CAST: variants seen among roughly 807,000 people sequenced by gnomAD.
CAST encodes MIR583 host.
A neutral mutation model predicts 119.6 loss-of-function variants in CAST; 76 were observed. That is an observed-to-expected ratio of 0.64 (90% CI 0.53 to 0.77). CAST has a LOEUF of 0.77. Ranked by LOEUF, CAST falls within the 30% of genes least tolerant of loss-of-function variation. The pLI, the probability that CAST is intolerant of heterozygous loss-of-function variation, is 0.00. For synonymous variants in CAST, 319 were observed against 331.6 expected (o/e 0.96, Z 0.41); for missense variants, 953 against 946.5 (o/e 1.01, Z -0.09).
the CAST span, among the ~76,000 whole-genome samples, chr5:96,212,054 G>A: frequency 1.9e-3 from 286 of 152,028 alleles, 1 homozygote; most frequent in African/African-American, 6.5e-3. Context: ...TTTTGTCAAT[G>A]TAATTGATCT....
At chr5:96,396,081 C>T in the CAST span, among the ~76,000 whole-genome samples, 1 of 151,984 alleles carries the variant, frequency 6.6e-6, no homozygotes, top group Non-Finnish European at 1.5e-5. Flanking sequence ...AAGAACAGGC[C>T]CAGATGCTAA....
At position 96,762,270 on chromosome 5, in the gene CAST, A is replaced by G. The variant is rs1469730558; in HGVS notation, c.1834-4A>G. ...GTTACTAATAAAATTTTTTTCAATA[A>G]AAGAAATTTGAAGATGCTAAACTTG... On this transcript the variant is annotated splice_region_variant and splice_polypyrimidine_tract_variant and intron_variant, in intron 24 of 31. Coordinates refer to ENST00000675179, the MANE Select transcript of CAST (RefSeq NM_001750.7). The G allele has an allele frequency of 1.9e-6, 3 of 1,596,810 alleles. No homozygotes were observed. The highest frequency in any genetic ancestry group is 2.3e-5 in the South Asian group (2 of 87,628).
chr5:96,236,766 T>A, the CAST span, among the ~76,000 whole-genome samples: 1 of 152,204 alleles, frequency 6.6e-6, no homozygotes, highest in Non-Finnish European at 1.5e-5. Context: ...GGCCTATATG[T>A]TATCTGGCAG....
chr5:96,654,023 TTTTC>T (rs1286568410), intron 1 of CAST, among the ~76,000 whole-genome samples: 4 of 124,140 alleles, frequency 3.2e-5, no homozygotes, highest in African/African-American at 6.3e-5. Flanking sequence ...TTTTCTTTTC[TTTTC>T]TTTTTTTTTT....
chr5:96,147,581 C>A, the CAST span, among the ~76,000 whole-genome samples: 1 of 151,958 alleles, frequency 6.6e-6, no homozygotes. Flanking sequence ...CCAGCCTGGG[C>A]GACAGAGCGA....
chr5:96,138,269 C>T, the CAST span, among the ~76,000 whole-genome samples: 1 of 151,786 alleles, frequency 6.6e-6, no homozygotes, highest in Non-Finnish European at 1.5e-5. Flanking sequence ...ATTGAATTGC[C>T]TTTGCTTCTT....
chr5:96,029,755 A>C, the CAST span, among the ~76,000 whole-genome samples: 2 of 152,146 alleles, frequency 1.3e-5, no homozygotes, highest in African/African-American at 2.4e-5. Context: ...TGTATGATGA[A>C]ATTAAAATAC....
chr5:96,737,743 T>C, intron 10 of CAST, 106 bp from the exon 11 acceptor site: 10 of 599,700 alleles, frequency 1.7e-5, no homozygotes, highest in Non-Finnish European at 2.9e-5. Context: ...TGAAGAACTT[T>C]TGGTGTTTGG....
chr5:96,413,449 T>C, the CAST span, among the ~76,000 whole-genome samples: 140 of 152,278 alleles, frequency 9.2e-4, no homozygotes, highest in African/African-American at 3.1e-3. Flanking sequence ...AAAGGTAAAA[T>C]GATATGAAAT....
chr5:96,732,789 A>T (rs542720754), intron 9 of CAST, among the ~76,000 whole-genome samples: 58 of 152,290 alleles, frequency 3.8e-4, no homozygotes, highest in Admixed American at 1.9e-3. Context: ...TCAATTCAAG[A>T]TGGATTAAAG....
chr5:96,635,249 G>A (rs1361985222), intron 1 of CAST, among the ~76,000 whole-genome samples: 1 of 152,180 alleles, frequency 6.6e-6, no homozygotes, highest in Non-Finnish European at 1.5e-5. Flanking sequence ...ATAACAAGGA[G>A]ATAATAGGAA....
chr5:96,297,111 G>C, the CAST span, among the ~76,000 whole-genome samples: 2 of 152,114 alleles, frequency 1.3e-5, no homozygotes, highest in African/African-American at 2.4e-5. Flanking sequence ...ATAGAAATTA[G>C]TTCATTTTTT....
the CAST span, among the ~76,000 whole-genome samples, chr5:96,059,754 C>A: frequency 1.3e-5 from 2 of 152,106 alleles, no homozygotes; most frequent in South Asian, 4.2e-4. Flanking sequence ...GTCACTACGA[C>A]CTCCACATTG....
chr5:96,357,123 C>T, the CAST span, among the ~76,000 whole-genome samples: 1 of 152,084 alleles, frequency 6.6e-6, no homozygotes, highest in Non-Finnish European at 1.5e-5. Flanking sequence ...CATGATCTGG[C>T]TCTCTGTTTG....
the CAST span, among the ~76,000 whole-genome samples, chr5:96,303,025 G>A: frequency 6.6e-6 from 1 of 152,144 alleles, no homozygotes; most frequent in African/African-American, 2.4e-5. Flanking sequence ...AACTACCTGA[G>A]ACTGTGTGAT....
the CAST span, among the ~76,000 whole-genome samples, chr5:96,151,077 G>A: frequency 6.6e-6 from 1 of 152,144 alleles, no homozygotes; most frequent in Non-Finnish European, 1.5e-5. Context: ...GAGAGGGGAG[G>A]AATCATTGGT....
the CAST span, among the ~76,000 whole-genome samples, chr5:96,224,975 C>G: frequency 6.6e-6 from 1 of 152,172 alleles, no homozygotes; most frequent in African/African-American, 2.4e-5. Context: ...TTGTCCAGAC[C>G]TAGGTCATGT....
At chr5:96,566,111 T>C (rs1228801093) in intron 1 of CAST, among the ~76,000 whole-genome samples, 1 of 152,178 alleles carries the variant, frequency 6.6e-6, no homozygotes, top group Non-Finnish European at 1.5e-5. Context: ...TGTGACATTC[T>C]CTTATTTTAC....
chr5:96,755,348 T>TA (rs900401904), intron 22 of CAST, among the ~76,000 whole-genome samples: 4 of 151,288 alleles, frequency 2.6e-5, no homozygotes, highest in African/African-American at 9.7e-5. Flanking sequence ...CAAAAAGAAG[T>TA]AAAAAATGAA....
Sources: allele counts gnomAD v4.1 joint callset (sites outside exome capture counted in the v4.1 genomes callset), GRCh38; gene constraint gnomAD v4.1.1; transcripts MANE v1.5; gene names NCBI Gene and HGNC (gene_info 2026-07-23, HGNC 2026-07-21).